SEMA5A: variants seen among roughly 807,000 people sequenced by gnomAD.
SEMA5A encodes semaphorin 5A, also known as semaphorin-5A.
In SEMA5A, 55 loss-of-function variants were observed where a neutral mutation model predicts 135.5. That is an observed-to-expected ratio of 0.41 (90% CI 0.33 to 0.51). SEMA5A has a LOEUF of 0.51. SEMA5A is among the 20% of genes least tolerant of loss of function. SEMA5A has a pLI of 0.37. For missense variants in SEMA5A, 1,290 were observed against 1,419.9 expected (o/e 0.91, Z 1.47); for synonymous variants, 580 against 546.5 (o/e 1.06, Z -0.85).
chr5:9,519,787 G>A (rs1736720710), intron 1 of SEMA5A: 1 of 152,232 alleles, frequency 6.6e-6, no homozygotes, highest in Non-Finnish European at 1.5e-5. Context: ...TTTCAAGTCT[G>A]TAAATTGGAT....
At chr5:9,199,823 T>G (rs2150364085) in intron 9 of SEMA5A, among the ~76,000 whole-genome samples, 1 of 152,320 alleles carries the variant, frequency 6.6e-6, no homozygotes. Context: ...AGAGACTCCA[T>G]TGTAGTAGCA....
intron 16 of SEMA5A, among the ~76,000 whole-genome samples, chr5:9,086,637 A>G (rs1291104515): frequency 6.6e-6 from 1 of 152,200 alleles, no homozygotes; most frequent in African/African-American, 2.4e-5. Flanking sequence ...ACAGTGTGAA[A>G]ACGGACTAAT....
intron 1 of SEMA5A, among the ~76,000 whole-genome samples, chr5:9,522,335 CA>C (rs1736879729): frequency 6.6e-6 from 1 of 152,150 alleles, no homozygotes; most frequent in Non-Finnish European, 1.5e-5. Flanking sequence ...GTAATCCCAG[CA>C]CTTTGGGAGG....
intron 13 of SEMA5A, among the ~76,000 whole-genome samples, chr5:9,128,239 G>A (rs1741222916): frequency 6.6e-6 from 1 of 152,206 alleles, no homozygotes; most frequent in African/African-American, 2.4e-5. Context: ...TCTGAGGCCA[G>A]GGTTGAATCC....
chr5:9,056,373 G>A (rs1368419071), intron 18 of SEMA5A, among the ~76,000 whole-genome samples: 2 of 152,190 alleles, frequency 1.3e-5, no homozygotes, highest in Non-Finnish European at 2.9e-5. Context: ...CACTGTTGGT[G>A]GGAATGTACA....
chr5:9,529,010 G>GTA (rs1737295093), intron 1 of SEMA5A, among the ~76,000 whole-genome samples: 1 of 152,180 alleles, frequency 6.6e-6, no homozygotes, highest in South Asian at 2.1e-4. Flanking sequence ...GTAGGACTTT[G>GTA]TACTTACAAG....
chr5:9,189,222 C>T (rs1195856960), intron 11 of SEMA5A, among the ~76,000 whole-genome samples: 1 of 152,220 alleles, frequency 6.6e-6, no homozygotes, highest in Non-Finnish European at 1.5e-5. Flanking sequence ...GCTGTGTCTG[C>T]TCACCGTCAC....
intron 1 of SEMA5A, among the ~76,000 whole-genome samples, chr5:9,529,998 C>T (rs1030533236): frequency 2.0e-5 from 3 of 152,126 alleles, no homozygotes; most frequent in Non-Finnish European, 4.4e-5. Flanking sequence ...ACCTGGTGTT[C>T]GACAAGGCTC....
Position 9,318,437 on chromosome 5 carries a change from A to G in SEMA5A, c.225-20T>C. On this transcript the variant is annotated intron_variant, in intron 4 of 22. Transcript: ENST00000382496. The stretch of plus-strand genomic sequence containing the variant: ...TAGTTTCTGCAAAATACAAAAACAG[A>G]GCAGTTTTATTTTTAATAGATCACA... 3.1e-6 allele frequency: 5 copies of G among 1,602,694 alleles called. No homozygotes were observed. The highest frequency in any genetic ancestry group is 4.3e-6 in the Non-Finnish European group (5 of 1,173,832).
chr5:9,293,001 C>T (rs1476898558), intron 5 of SEMA5A, among the ~76,000 whole-genome samples: 6 of 152,178 alleles, frequency 3.9e-5, no homozygotes, highest in South Asian at 2.1e-4. Context: ...GAAACGTGAT[C>T]GAGGCGTTTC....
intron 1 of SEMA5A, among the ~76,000 whole-genome samples, chr5:9,452,882 C>G (rs10076448): frequency 6.6e-6 from 1 of 152,070 alleles, no homozygotes; most frequent in South Asian, 2.1e-4. Flanking sequence ...AGGCTCCCAA[C>G]GGGGTCTAAT....
chr5:9,520,851 A>C (rs983445459), intron 1 of SEMA5A, among the ~76,000 whole-genome samples: 2 of 152,212 alleles, frequency 1.3e-5, no homozygotes, highest in Non-Finnish European at 2.9e-5. Context: ...GTCACAGCCA[A>C]GAGAAGCCTA....
chr5:9,037,615 C>A lies in SEMA5A; in HGVS notation c.*5282G>T, dbSNP rs1209507351. 6.6e-6 allele frequency: 1 copy of A among 152,140 alleles called. No homozygotes were observed. The highest frequency in any genetic ancestry group is 2.4e-5 in the African/African-American group (1 of 41,420). 9.4% of individuals were successfully genotyped at this position (152,140 alleles called of 1,614,324 possible). On this transcript the variant is annotated 3_prime_UTR_variant, in exon 23 of 23. Transcript: ENST00000382496. The stretch of plus-strand genomic sequence containing the variant: ...GAGTCGTTTTAGAAATCATCACCAG[C>A]AGTTCAACATTACATCTTATTTACC...
At chr5:9,067,626 C>T (rs1435886555) in intron 16 of SEMA5A, among the ~76,000 whole-genome samples, 2 of 152,116 alleles carry the variant, frequency 1.3e-5, no homozygotes, top group Non-Finnish European at 2.9e-5. Flanking sequence ...ATTCCTCCAC[C>T]TCTTTCAGTT....
chr5:9,412,237 A>G (rs1579499365), intron 2 of SEMA5A, among the ~76,000 whole-genome samples: 1 of 151,930 alleles, frequency 6.6e-6, no homozygotes, highest in African/African-American at 2.4e-5. Flanking sequence ...CAGTCTTATC[A>G]TGGGTTACAG....
intron 2 of SEMA5A, among the ~76,000 whole-genome samples, chr5:9,418,786 A>G (rs1254551331): frequency 6.6e-6 from 1 of 152,250 alleles, no homozygotes; most frequent in African/African-American, 2.4e-5. Flanking sequence ...GAATGTATCC[A>G]GAGACATCTG....
At chr5:9,192,580 G>A (rs74977176) in intron 10 of SEMA5A, among the ~76,000 whole-genome samples, 128,308 of 151,926 alleles carry the variant, frequency 0.84, 54,368 homozygotes, top group African/African-American at 0.88. Context: ...TTGTAATTGG[G>A]GGGGGGAGGG....
chr5:9,308,139 AAGTATTG>A (rs916960011), intron 5 of SEMA5A, among the ~76,000 whole-genome samples: 30 of 152,150 alleles, frequency 2.0e-4, no homozygotes, highest in African/African-American at 6.3e-4. Context: ...AGATACCTAA[AAGTATTG>A]AGTATTATCA....
At chr5:9,406,377 T>C (rs917859084) in intron 2 of SEMA5A, among the ~76,000 whole-genome samples, 1 of 152,188 alleles carries the variant, frequency 6.6e-6, no homozygotes, top group Non-Finnish European at 1.5e-5. Flanking sequence ...CCTAGAAAAG[T>C]AGAAAACTAG....
Sources: gnomAD v4.1 joint callset for allele counts (sites outside exome capture counted in the v4.1 genomes callset) on GRCh38, gnomAD v4.1.1 for gene constraint, MANE v1.5 for transcripts, NCBI Gene and HGNC (gene_info 2026-07-23, HGNC 2026-07-21) for gene names.